The following NEDD4L variants were observed in gnomAD, a reference collection of about 807,000 sequenced individuals.
NEDD4L encodes E3 ubiquitin-protein ligase NEDD4-like.
Under a neutral mutation model 148.9 loss-of-function variants are expected in NEDD4L, and 54 were observed. The ratio of observed to expected loss-of-function variants is 0.36; its 90% CI spans 0.29 to 0.45. The LOEUF (loss-of-function observed/expected upper bound fraction) is 0.45, where lower values mean the gene tolerates loss of function less well. NEDD4L is among the 20% of genes least tolerant of loss of function. NEDD4L has a pLI of 1.00. For missense variants in NEDD4L, 856 were observed against 1,233.8 expected (o/e 0.69, Z 4.59); for synonymous variants, 433 against 440.7 (o/e 0.98, Z 0.22).
intron 18 of NEDD4L, among the ~76,000 whole-genome samples, chr18:58,353,370 T>G (rs1374085327): frequency 6.6e-6 from 1 of 152,258 alleles, no homozygotes; most frequent in African/African-American, 2.4e-5. Flanking sequence ...TTGTGGCCAT[T>G]GACTTGGAGA....
intron 16 of NEDD4L, among the ~76,000 whole-genome samples, chr18:58,348,046 A>G (rs1317975075): frequency 1.3e-5 from 2 of 152,034 alleles, no homozygotes; most frequent in Non-Finnish European, 2.9e-5. Context: ...AGGCTGGAGT[A>G]CAATGGCACA....
chr18:58,385,591 G>C lies in NEDD4L; in HGVS notation c.2487+5G>C. 6.2e-7 allele frequency: 1 copy of C among 1,612,636 alleles called. No individual in the cohort carries two copies. The highest frequency in any genetic ancestry group is 2.2e-5 in the East Asian group (1 of 44,872). ...CAGATGAACGCCTTCTTGGAGGTAA[G>C]CCATGCTGGCCAGGGTTCTCTGCCA... is the stretch of plus-strand genomic sequence containing the variant. On this transcript the variant is annotated splice_donor_5th_base_variant and intron_variant, in intron 26 of 30. Coordinates refer to ENST00000400345, the MANE Select transcript of NEDD4L (RefSeq NM_001144967.3).
At chr18:58,349,511 T>C in intron 16 of NEDD4L, 26 bp from the exon 17 acceptor site, 1 of 1,591,260 alleles carries the variant, frequency 6.3e-7, no homozygotes, top group African/African-American at 1.3e-5. Context: ...ACTTAGCATC[T>C]ACTGTCTTTT....
intron 5 of NEDD4L, among the ~76,000 whole-genome samples, chr18:58,266,506 G>A (rs564553253): frequency 5.3e-5 from 8 of 152,188 alleles, no homozygotes; most frequent in South Asian, 4.1e-4. Flanking sequence ...TTGTATCTCT[G>A]TAGAAAGTTC....
At chr18:58,301,342 T>C (rs1222457981) in intron 5 of NEDD4L, among the ~76,000 whole-genome samples, 1 of 152,142 alleles carries the variant, frequency 6.6e-6, no homozygotes, top group East Asian at 1.9e-4. Flanking sequence ...ATTGGGCGCT[T>C]TGATCAATGG....
chr18:58,238,272 A>G (rs1422965169), intron 2 of NEDD4L, among the ~76,000 whole-genome samples: 2 of 152,148 alleles, frequency 1.3e-5, no homozygotes, highest in Non-Finnish European at 2.9e-5. Context: ...GTAGTCATCT[A>G]TTTAGGTCAA....
intron 5 of NEDD4L, among the ~76,000 whole-genome samples, chr18:58,295,150 C>T (rs2055373279): frequency 1.3e-5 from 2 of 152,172 alleles, no homozygotes; most frequent in African/African-American, 2.4e-5. Flanking sequence ...CTAGGGTTCT[C>T]TCTTGGTGTT....
chr18:58,339,617 T>G (rs1041844086), intron 13 of NEDD4L, among the ~76,000 whole-genome samples: 2 of 152,170 alleles, frequency 1.3e-5, no homozygotes, highest in East Asian at 3.8e-4. Context: ...GGAAATGGTT[T>G]TCCTTAATAT....
intron 27 of NEDD4L, chr18:58,387,791 CAG>C (rs2049245012): frequency 7.2e-6 from 2 of 279,184 alleles, no homozygotes; most frequent in East Asian, 1.9e-4. Flanking sequence ...GGCCACTGAG[CAG>C]AGCTGGGATC....
chr18:58,044,441 C>A lies in NEDD4L; in HGVS notation c.-220C>A. On this transcript the variant is annotated 5_prime_UTR_variant, in exon 1 of 31. Coordinates refer to ENST00000400345, the MANE Select transcript of NEDD4L (RefSeq NM_001144967.3). ...CGGCGCGCTCTCGGGAGCCGCCCGC[C>A]CGCTGGTCCCGCAGCCTTCCGGGAG... 1 of 433,686 alleles carries A rather than the reference C, an allele frequency of 2.3e-6. No individual in the cohort carries two copies. The highest frequency in any genetic ancestry group is 3.6e-6 in the Non-Finnish European group (1 of 279,040). 26.9% of individuals were successfully genotyped at this position (433,686 alleles called of 1,614,324 possible).
At chr18:58,287,749 G>A (rs1267736513) in intron 5 of NEDD4L, among the ~76,000 whole-genome samples, 1 of 152,098 alleles carries the variant, frequency 6.6e-6, no homozygotes, top group African/African-American at 2.4e-5. Flanking sequence ...TCATTGTGTT[G>A]TGGCTTTAAT....
intron 18 of NEDD4L, among the ~76,000 whole-genome samples, chr18:58,351,879 A>G (rs1387576746): frequency 6.6e-6 from 1 of 152,238 alleles, no homozygotes; most frequent in African/African-American, 2.4e-5. Flanking sequence ...ACTAAACAAA[A>G]GCACGTTGAT....
chr18:58,282,274 A>G (rs1360230872), intron 5 of NEDD4L, among the ~76,000 whole-genome samples: 1 of 151,970 alleles, frequency 6.6e-6, no homozygotes, highest in Non-Finnish European at 1.5e-5. Context: ...ATTAGCTGGT[A>G]AATGCAGTCC....
intron 2 of NEDD4L, among the ~76,000 whole-genome samples, chr18:58,192,102 T>C (rs972163249): frequency 1.3e-5 from 2 of 152,100 alleles, no homozygotes; most frequent in Non-Finnish European, 2.9e-5. Flanking sequence ...ATACAAGAGT[T>C]GGAGGTTGCA....
Position 58,389,150 on chromosome 18 carries a change from C to T in NEDD4L, c.2613C>T (p.Asn871=), listed in dbSNP as rs141136641. The change falls in exon 28 of 31, where the codon AAC becomes AAT. Residue 871 remains asparagine, a synonymous_variant. Coordinates refer to ENST00000400345, the MANE Select transcript of NEDD4L (RefSeq NM_001144967.3). ...GGAGACAGCATTCTATTTACAAGAA[C>T]GGCTACTGCCCAAACCACCCCGTCA... ...NDWRQHSIYK[N]GYCPNHPVIQ... The T allele has an allele frequency of 2.3e-3, 3,780 of 1,613,956 alleles. 9 individuals are homozygous for T. Among genetic ancestry groups the T allele is most frequent in the Non-Finnish European group, 3.0e-3 (3,497 of 1,179,842 alleles).
At position 58,330,761 on chromosome 18, in the gene NEDD4L, A is replaced by T; in HGVS notation, c.837A>T (p.Glu279Asp). Residue 279 changes from glutamate to aspartate, a missense_variant, in exon 11 of 31, where the codon GAA (glutamate) becomes GAT (aspartate). Transcript: ENST00000400345. ...VPEPWETISE[E>D]VNIAGDSLGL... ...AGCCTTGGGAGACCATTTCAGAGGA[A>T]GTGAATATCGCTGGAGACTCTCTCG... 6.2e-7 allele frequency: 1 copy of T among 1,604,514 alleles called. No homozygotes were observed. The highest frequency in any genetic ancestry group is 8.5e-7 in the Non-Finnish European group (1 of 1,173,956).
chr18:58,105,289 C>T (rs542257932), intron 1 of NEDD4L, among the ~76,000 whole-genome samples: 13 of 152,278 alleles, frequency 8.5e-5, no homozygotes, highest in African/African-American at 3.1e-4. Context: ...TTGAGCTCAT[C>T]GGATGCTTTC....
chr18:58,214,607 T>TTGTGTG (rs59608519), intron 2 of NEDD4L, among the ~76,000 whole-genome samples: 4,106 of 145,338 alleles, frequency 0.028, 89 homozygotes, highest in Non-Finnish European at 0.039. Flanking sequence ...GCTGCTCGGT[T>TTGTGTG]TGTGTGTGTG....
At chr18:58,250,550 C>T (rs2047800655) in intron 4 of NEDD4L, among the ~76,000 whole-genome samples, 1 of 152,192 alleles carries the variant, frequency 6.6e-6, no homozygotes, top group African/African-American at 2.4e-5. Flanking sequence ...AGCTTCTAAA[C>T]AGATAGCAAA....
Sources: allele counts gnomAD v4.1 joint callset (sites outside exome capture counted in the v4.1 genomes callset), GRCh38; gene constraint gnomAD v4.1.1; transcripts MANE v1.5; gene names NCBI Gene and HGNC (gene_info 2026-07-23, HGNC 2026-07-21).